SYT2: variants seen among roughly 807,000 people sequenced by gnomAD.
SYT2 encodes the protein synaptotagmin-2.
Under a neutral mutation model 39.9 loss-of-function variants are expected in SYT2, and 15 were observed. The observed-to-expected ratio is 0.38, with a 90% confidence interval of 0.25 to 0.58. The LOEUF (loss-of-function observed/expected upper bound fraction) is 0.58, where lower values mean the gene tolerates loss of function less well. Among genes scored for constraint, SYT2 ranks in the 20% least tolerant of loss-of-function variants. The probability of loss-of-function intolerance (pLI) is 0.70; values close to 1 mark genes in which losing one functional copy is unlikely to be tolerated. For missense variants in SYT2, 389 were observed against 530.3 expected, an observed-to-expected ratio of 0.73 and a Z score of 2.62; for synonymous variants, 181 against 204.5, an observed-to-expected ratio of 0.89 and a Z score of 0.98.
chr1:202,640,856 C>A (rs1691898686), intron 1 of SYT2, among the ~76,000 whole-genome samples: 2 of 151,424 alleles, frequency 1.3e-5, no homozygotes, highest in African/African-American at 4.9e-5. Context: ...TGTAGGGAAG[C>A]TTTCAAGATG....
chr1:202,673,568 A>AG (rs1653231375), intron 1 of SYT2, among the ~76,000 whole-genome samples: 1 of 152,200 alleles, frequency 6.6e-6, no homozygotes, highest in Non-Finnish European at 1.5e-5. Context: ...CCACATCCTT[A>AG]GGTCCCAACA....
chr1:202,651,856 C>G (rs1453841315), intron 1 of SYT2, among the ~76,000 whole-genome samples: 1 of 152,106 alleles, frequency 6.6e-6, no homozygotes, highest in African/African-American at 2.4e-5. Flanking sequence ...GTCAAGAGAT[C>G]GAGACCATCC....
intron 1 of SYT2, among the ~76,000 whole-genome samples, chr1:202,700,364 C>A (rs1654081185): frequency 6.6e-6 from 1 of 152,222 alleles, no homozygotes; most frequent in Non-Finnish European, 1.5e-5. Flanking sequence ...GAGGTCCTTA[C>A]TAAGCATTCA....
rs1022602760 is a variant in SYT2, at chr1:202,602,373, A to G, written c.633+5T>C. The G allele has an allele frequency of 6.8e-6, 11 of 1,612,578 alleles. No homozygotes were observed. The highest frequency in any genetic ancestry group is 1.3e-5 in the African/African-American group (1 of 74,930). ...AGCTGGAGTCACCCTTCCAGCCCTC[A>G]GCACCTTGAAGGTGAAGGTTTCATT... is the stretch of plus-strand genomic sequence containing the variant. On this transcript the variant is annotated splice_donor_5th_base_variant and intron_variant, in intron 5 of 8. Coordinates refer to ENST00000367268, the MANE Select transcript of SYT2 (RefSeq NM_177402.5).
At chr1:202,633,749 A>G (rs954527639) in intron 1 of SYT2, among the ~76,000 whole-genome samples, 7 of 152,204 alleles carry the variant, frequency 4.6e-5, no homozygotes, top group African/African-American at 1.4e-4. Context: ...CCTTTCCATG[A>G]TATTGCACCT....
In SYT2 at chr1:202,599,458, T is replaced by C; in HGVS notation, c.920-107A>G. 7.7e-7 allele frequency: 1 copy of C among 1,300,674 alleles called. No individual in the cohort carries two copies. Among genetic ancestry groups the C allele is most frequent in the South Asian group, 1.6e-5 (1 of 61,542 alleles). 80.6% of individuals were successfully genotyped at this position (1,300,674 alleles called of 1,614,324 possible). A position where few individuals can be genotyped will look rare whatever the true frequency, so the allele number is the denominator to read the frequency against. ...GCATCGGTCAAGAGGGGGTCTTCAC[T>C]CCGCTGAGACCAGGCCCTCAGAAAG... On this transcript the variant is annotated intron_variant, in intron 7 of 8. Transcript: ENST00000367268. The surrounding 1 kb of genome is among the most constrained non-coding windows in gnomAD (Gnocchi z 4.4).
rs111968090 is a variant in SYT2, at chr1:202,607,942, C to T, written c.-17-2153G>A. Among the ~76,000 whole-genome samples the T allele has an allele frequency of 4.8e-3, 736 of 152,152 alleles. 6 individuals carry two copies. Among genetic ancestry groups the T allele is most frequent in the African/African-American group, 0.017 (704 of 41,494 alleles). On this transcript the variant is annotated intron_variant, in intron 1 of 8. Transcript: ENST00000367268. Reference sequence around the variant, plus strand: ...TTCACATATGTCACCCTTTAAAGTACACAGTTCAGTGCATTTTATTGTATT... The same window carrying T: ...TTCACATATGTCACCCTTTAAAGTATACAGTTCAGTGCATTTTATTGTATT...
At chr1:202,642,375 G>A (rs1363911959) in intron 1 of SYT2, among the ~76,000 whole-genome samples, 2 of 150,814 alleles carry the variant, frequency 1.3e-5, no homozygotes, top group African/African-American at 4.9e-5. Context: ...CCCCCACCTC[G>A]TCCCCATTCC....
At chr1:202,670,146 G>A (rs756635936) in intron 1 of SYT2, among the ~76,000 whole-genome samples, 2 of 152,260 alleles carry the variant, frequency 1.3e-5, no homozygotes, top group Admixed American at 1.3e-4. Context: ...TAAGAGAGGC[G>A]TTTTCAGTGT....
chr1:202,686,741 A>G (rs772276868), intron 1 of SYT2, among the ~76,000 whole-genome samples: 1 of 152,156 alleles, frequency 6.6e-6, no homozygotes, highest in African/African-American at 2.4e-5. Flanking sequence ...TGCCTCTTCC[A>G]AATCATTTTT....
intron 1 of SYT2, among the ~76,000 whole-genome samples, chr1:202,685,739 G>T (rs768728572): frequency 5.3e-5 from 8 of 152,162 alleles, no homozygotes; most frequent in Non-Finnish European, 8.8e-5. Context: ...CCACACTGAA[G>T]CATATTTCAG....
intron 1 of SYT2, among the ~76,000 whole-genome samples, chr1:202,641,406 A>AC (rs1473353208): frequency 2.0e-5 from 3 of 152,188 alleles, no homozygotes; most frequent in Non-Finnish European, 4.4e-5. Flanking sequence ...ATCTAGTTCT[A>AC]CCTTCTCAAT....
At chr1:202,687,303 T>C (rs1653692895) in intron 1 of SYT2, among the ~76,000 whole-genome samples, 1 of 152,160 alleles carries the variant, frequency 6.6e-6, no homozygotes, top group Admixed American at 6.6e-5. Context: ...TTGGGTAAGC[T>C]GGCCCCACCT....
At chr1:202,689,769 C>T (rs1237937082) in intron 1 of SYT2, among the ~76,000 whole-genome samples, 1 of 152,042 alleles carries the variant, frequency 6.6e-6, no homozygotes, top group Non-Finnish European at 1.5e-5. Flanking sequence ...CTAGTGATTC[C>T]TCCTGGTAGT....
At chr1:202,678,273 CAAAAAAAAAAA>C (rs773123862) in intron 1 of SYT2, among the ~76,000 whole-genome samples, 41 of 30,730 alleles carry the variant, frequency 1.3e-3, no homozygotes, top group East Asian at 5.4e-3. Flanking sequence ...GACTCTGTCT[CAAAAAAAAAAA>C]AAAAAAAAAA....
chr1:202,627,476 G>A (rs960734942), intron 1 of SYT2: 156 of 985,286 alleles, frequency 1.6e-4, no homozygotes, highest in Non-Finnish European at 1.7e-4. Flanking sequence ...AGGTCAGACC[G>A]TGACACCCAG....
chr1:202,666,138 G>A (rs1392205795), intron 1 of SYT2, among the ~76,000 whole-genome samples: 1 of 141,710 alleles, frequency 7.1e-6, no homozygotes, highest in Non-Finnish European at 1.5e-5. Flanking sequence ...GGGCGACAGA[G>A]CGAGACTCCG....
At chr1:202,642,688 T>C (rs1173327502) in intron 1 of SYT2, among the ~76,000 whole-genome samples, 3 of 152,150 alleles carry the variant, frequency 2.0e-5, no homozygotes, top group Admixed American at 1.3e-4. Flanking sequence ...AGGCAGCCAG[T>C]CCTGCAAACC....
chr1:202,609,328 G>A (rs1444929848), intron 1 of SYT2, among the ~76,000 whole-genome samples: 2 of 151,952 alleles, frequency 1.3e-5, no homozygotes, highest in South Asian at 2.1e-4. Flanking sequence ...GAATAGTGCC[G>A]CAATGAACAT....
Sources: allele counts gnomAD v4.1 joint callset (sites outside exome capture counted in the v4.1 genomes callset), GRCh38; gene constraint gnomAD v4.1.1; non-coding constraint Gnocchi (gnomAD v3.1); transcripts MANE v1.5; gene names NCBI Gene and HGNC (gene_info 2026-07-23, HGNC 2026-07-21).